The following LRP1B variants were observed in gnomAD, a reference collection of about 807,000 sequenced individuals.
LRP1B encodes LDL receptor related protein 1B.
LRP1B carries 217 observed loss-of-function variants against 556.6 expected under a neutral mutation model. That is an observed-to-expected ratio of 0.39 (90% CI 0.35 to 0.44). LRP1B has a LOEUF of 0.44. LRP1B is among the 20% of genes least tolerant of loss of function. The pLI is 1.00. For synonymous variants in LRP1B, 2,047 were observed against 1,865.8 expected (o/e 1.10, Z -2.50); for missense variants, 5,053 against 5,620.8 (o/e 0.90, Z 3.23).
At chr2:140,352,427 G>T (rs1359193248) in intron 76 of LRP1B, among the ~76,000 whole-genome samples, 4 of 152,040 alleles carry the variant, frequency 2.6e-5, no homozygotes, top group Admixed American at 6.6e-5. Context: ...ACTCGCCTTG[G>T]CCTCCCAAGG....
At chr2:140,746,534 A>G (rs1307146069) in intron 35 of LRP1B, among the ~76,000 whole-genome samples, 1 of 152,196 alleles carries the variant, frequency 6.6e-6, no homozygotes, top group Admixed American at 6.5e-5. Context: ...GAAAATTCCA[A>G]TGCTCAGAGC....
At chr2:140,640,391 T>TTC (rs1559024825) in intron 41 of LRP1B, among the ~76,000 whole-genome samples, 2 of 64,562 alleles carry the variant, frequency 3.1e-5, no homozygotes, top group Admixed American at 1.5e-4. Flanking sequence ...TTCTTTTTTT[T>TTC]TTTTTTTTTT....
At position 141,212,249 on chromosome 2, in the gene LRP1B, A is replaced by T. The variant is rs796720092; in HGVS notation, c.850+16934T>A. Among the ~76,000 whole-genome samples, 174 of 62,264 alleles carry T rather than the reference A, an allele frequency of 2.8e-3. 1 individual carries two copies. The highest frequency in any genetic ancestry group is 0.011 in the African/African-American group (169 of 15,152). 40.8% of individuals were successfully genotyped at this position (62,264 alleles called of 152,430 possible). On this transcript the variant is annotated intron_variant, in intron 6 of 90. Transcript: ENST00000389484. ...AAGATATATTGATCAAAAAGTCTAGATTTTTTTTTTTTTTTTTTTTTTTTT... is the reference window on the plus strand; with the variant it reads ...AAGATATATTGATCAAAAAGTCTAGTTTTTTTTTTTTTTTTTTTTTTTTTT...
At chr2:141,230,238 T>C (rs1683408717) in intron 5 of LRP1B, among the ~76,000 whole-genome samples, 1 of 152,138 alleles carries the variant, frequency 6.6e-6, no homozygotes, top group Non-Finnish European at 1.5e-5. Flanking sequence ...AATTAAGAAA[T>C]AGGAAATATG....
chr2:140,646,357 A>G (rs1346303509), intron 41 of LRP1B, among the ~76,000 whole-genome samples: 1 of 152,214 alleles, frequency 6.6e-6, no homozygotes, highest in African/African-American at 2.4e-5. Flanking sequence ...TAGAGTTCTT[A>G]CGATTGCATA....
At chr2:140,698,174 A>G (rs2105414549) in intron 41 of LRP1B, among the ~76,000 whole-genome samples, 1 of 152,010 alleles carries the variant, frequency 6.6e-6, no homozygotes, top group East Asian at 1.9e-4. Context: ...ATCATACCAA[A>G]TGACTCCTTG....
chr2:141,254,838 A>G (rs1044200217), intron 3 of LRP1B, among the ~76,000 whole-genome samples, 197 bp from the exon 4 acceptor site: 1 of 152,070 alleles, frequency 6.6e-6, no homozygotes, highest in Admixed American at 6.6e-5. Flanking sequence ...TTCGAGATCA[A>G]TCTGTTTGGT....
chr2:140,995,917 G>A (rs1035880763), intron 15 of LRP1B, among the ~76,000 whole-genome samples: 8 of 151,970 alleles, frequency 5.3e-5, no homozygotes, highest in African/African-American at 1.9e-4. Flanking sequence ...AAGAGAATAT[G>A]TGGCAATCAA....
rs2105121601 is a variant in LRP1B, at chr2:140,851,694, G to A, written c.4669C>T (p.Pro1557Ser). 6.2e-7 allele frequency: 1 copy of A among 1,611,636 alleles called. No individual in the cohort carries two copies. The highest frequency in any genetic ancestry group is 8.5e-7 in the Non-Finnish European group (1 of 1,179,132). ...TCTGAAGAAAGCTTCATCAAGTGGGGGCACGCACAGGCAGCACTCCTATTG... is the reference window on the plus strand; with the variant it reads ...TCTGAAGAAAGCTTCATCAAGTGGGAGCACGCACAGGCAGCACTCCTATTG... Reference protein sequence around the residue: ...NHNRSAACACPHLMKLSSDKK... With the variant: ...NHNRSAACACSHLMKLSSDKK... Residue 1557 changes from proline to serine, a missense_variant, in exon 28 of 91, where the codon CCC (proline) becomes TCC (serine). Physicochemically the swap from Pro to Ser is moderately conservative, Grantham distance 74. This residue lies in a region of LRP1B where 3,619 missense variants were observed against 3,931.9 expected (regional missense o/e 0.92). Transcript: ENST00000389484.
intron 2 of LRP1B, among the ~76,000 whole-genome samples, chr2:141,744,415 T>C (rs933435180): frequency 5.3e-5 from 8 of 152,316 alleles, no homozygotes; most frequent in Middle Eastern, 3.4e-3. Flanking sequence ...TATGGTCTAT[T>C]CTTGAGAATG....
intron 3 of LRP1B, among the ~76,000 whole-genome samples, chr2:141,346,006 T>C (rs1243143773): frequency 6.6e-6 from 1 of 152,068 alleles, no homozygotes; most frequent in Non-Finnish European, 1.5e-5. Context: ...AGGGCTCTTT[T>C]TTGTTTTCTA....
chr2:141,297,151 G>A (rs1361646578), intron 3 of LRP1B, among the ~76,000 whole-genome samples: 1 of 152,148 alleles, frequency 6.6e-6, no homozygotes, highest in Admixed American at 6.5e-5. Context: ...ATTGTGAGTA[G>A]TGCTGCTGTC....
intron 67 of LRP1B, among the ~76,000 whole-genome samples, chr2:140,381,224 A>G (rs1683470417): frequency 6.6e-6 from 1 of 152,120 alleles, no homozygotes; most frequent in South Asian, 2.1e-4. Context: ...CTTTGATCTT[A>G]TTTGGATAAA....
chr2:141,893,106 T>C (rs1169634674), intron 1 of LRP1B, among the ~76,000 whole-genome samples: 1 of 152,248 alleles, frequency 6.6e-6, no homozygotes, highest in Non-Finnish European at 1.5e-5. Flanking sequence ...ACTCATTTTC[T>C]GTAATTCCTA....
At chr2:141,627,497 C>G (rs1027491886) in intron 2 of LRP1B, among the ~76,000 whole-genome samples, 40 of 152,194 alleles carry the variant, frequency 2.6e-4, no homozygotes, top group African/African-American at 7.7e-4. Context: ...GCAGGCCAAC[C>G]AGCATCACTG....
chr2:140,864,387 TAA>T (rs1293375192), intron 27 of LRP1B, among the ~76,000 whole-genome samples: 1 of 151,954 alleles, frequency 6.6e-6, no homozygotes, highest in Non-Finnish European at 1.5e-5. Flanking sequence ...GTAGAGGAGG[TAA>T]AATTTGAGCT....
chr2:141,734,955 G>A (rs1189477085), intron 2 of LRP1B, among the ~76,000 whole-genome samples: 1 of 152,044 alleles, frequency 6.6e-6, no homozygotes, highest in African/African-American at 2.4e-5. Context: ...TTGTAAAATT[G>A]AATTAATTTA....
intron 2 of LRP1B, among the ~76,000 whole-genome samples, chr2:141,602,374 A>T (rs191702461): frequency 5.3e-5 from 8 of 152,328 alleles, no homozygotes; most frequent in Admixed American, 1.3e-4. Context: ...GTCAAAGTGT[A>T]ATCCACATAT....
chr2:141,803,723 C>T (rs1696085552), intron 2 of LRP1B, among the ~76,000 whole-genome samples: 1 of 152,162 alleles, frequency 6.6e-6, no homozygotes, highest in East Asian at 1.9e-4. Flanking sequence ...CCTTATTCTA[C>T]TATATAATTT....
Sources: allele counts gnomAD v4.1 joint callset (sites outside exome capture counted in the v4.1 genomes callset), GRCh38; gene constraint gnomAD v4.1.1; regional missense constraint gnomAD v4.1.1; transcripts MANE v1.5; gene names NCBI Gene and HGNC (gene_info 2026-07-23, HGNC 2026-07-21).